The following STAG1 variants were observed in gnomAD, a reference collection of about 807,000 sequenced individuals.
STAG1 encodes cohesin subunit SA-1.
A neutral mutation model predicts 170.9 loss-of-function variants in STAG1; 26 were observed. The ratio of observed to expected loss-of-function variants is 0.15; its 90% CI spans 0.11 to 0.21. STAG1 has a LOEUF of 0.21. Ranked by LOEUF, STAG1 falls within the 10% of genes least tolerant of loss-of-function variation. STAG1 has a pLI of 1.00. For synonymous variants in STAG1, 514 were observed against 497.7 expected (o/e 1.03, Z -0.44); for missense variants, 964 against 1,509.5 (o/e 0.64, Z 5.99).
intron 1 of STAG1, among the ~76,000 whole-genome samples, chr3:136,642,268 T>C (rs1032597612): frequency 1.8e-5 from 1 of 56,788 alleles, no homozygotes; most frequent in Non-Finnish European, 3.6e-5. Flanking sequence ...GAATTTCTTT[T>C]TTTTTTTTTT....
At chr3:136,738,516 T>C (rs896020369) in intron 1 of STAG1, among the ~76,000 whole-genome samples, 3 of 152,014 alleles carry the variant, frequency 2.0e-5, no homozygotes, top group Non-Finnish European at 4.4e-5. Flanking sequence ...CTGGACACGG[T>C]GGCACGCGCC....
intron 1 of STAG1, among the ~76,000 whole-genome samples, chr3:136,649,207 G>C (rs1941131325): frequency 6.6e-6 from 1 of 152,114 alleles, no homozygotes; most frequent in Admixed American, 6.5e-5. Context: ...AAAGGCCAGG[G>C]GCGGTGGCTT....
rs140740048 is a variant in STAG1 at position 136,624,095 on chromosome 3, T to C, written c.30-847A>G. ...TTTAAAGATAATTTTTGCCCAACTCTTATATTGGAATCTTTTTTTTTTTGA... is the reference window on the plus strand; with the variant it reads ...TTTAAAGATAATTTTTGCCCAACTCCTATATTGGAATCTTTTTTTTTTTGA... On this transcript the variant is annotated intron_variant, in intron 2 of 33. Coordinates refer to ENST00000383202, the MANE Select transcript of STAG1 (RefSeq NM_005862.3). 2.7e-3 allele frequency among the ~76,000 whole-genome samples: 412 copies of C among 152,094 alleles called. 2 individuals carry two copies. The highest frequency in any genetic ancestry group is 5.8e-3 in the South Asian group (28 of 4,794).
intron 21 of STAG1, among the ~76,000 whole-genome samples, chr3:136,407,141 C>T (rs2107705924): frequency 6.6e-6 from 1 of 152,316 alleles, no homozygotes; most frequent in African/African-American, 2.4e-5. Context: ...ATTCTCCTGC[C>T]TCAGCCTCCT....
intron 22 of STAG1, among the ~76,000 whole-genome samples, chr3:136,389,393 A>T (rs1055325041): frequency 6.6e-6 from 1 of 151,970 alleles, no homozygotes; most frequent in Non-Finnish European, 1.5e-5. Flanking sequence ...TCCCAGTTCA[A>T]GCAATTCTTC....
chr3:136,635,840 T>C (rs1318051849), intron 1 of STAG1, among the ~76,000 whole-genome samples: 1 of 152,240 alleles, frequency 6.6e-6, no homozygotes, highest in Non-Finnish European at 1.5e-5. Flanking sequence ...ACAAATATAA[T>C]TTTAAATGAA....
chr3:136,633,083 A>G (rs1352469506), intron 1 of STAG1, among the ~76,000 whole-genome samples: 1 of 152,192 alleles, frequency 6.6e-6, no homozygotes, highest in Non-Finnish European at 1.5e-5. Flanking sequence ...CAAACAGGGC[A>G]TGGGGGAGGT....
At chr3:136,539,993 T>C (rs1935810145) in intron 6 of STAG1, among the ~76,000 whole-genome samples, 1 of 152,154 alleles carries the variant, frequency 6.6e-6, no homozygotes, top group South Asian at 2.1e-4. Context: ...GACATTGTTC[T>C]AGATTCTTGG....
At chr3:136,549,706 A>G (rs948344989) in intron 5 of STAG1, among the ~76,000 whole-genome samples, 1 of 151,702 alleles carries the variant, frequency 6.6e-6, no homozygotes, top group Non-Finnish European at 1.5e-5. Context: ...ACTTCTGGTA[A>G]TACACAGAAT....
chr3:136,361,586 T>A (rs1290180715), intron 26 of STAG1, among the ~76,000 whole-genome samples: 5 of 152,258 alleles, frequency 3.3e-5, no homozygotes, highest in Middle Eastern at 3.4e-3. Flanking sequence ...GCAGTAAGTA[T>A]CCATTTTAAT....
chr3:136,373,174 T>C (rs1937439011), intron 23 of STAG1, among the ~76,000 whole-genome samples: 1 of 152,216 alleles, frequency 6.6e-6, no homozygotes, highest in Non-Finnish European at 1.5e-5. Context: ...AGTTTGTATT[T>C]CTGTAGGATC....
At position 136,432,519 on chromosome 3, in the gene STAG1, G is replaced by T. The variant is rs200876160; in HGVS notation, c.1650+1037C>A. Among the ~76,000 whole-genome samples, 348 of 80,254 alleles carry T rather than the reference G, an allele frequency of 4.3e-3. 6 individuals are homozygous for T. Among genetic ancestry groups the T allele is most frequent in the African/African-American group, 0.026 (317 of 12,374 alleles). 52.6% of individuals were successfully genotyped at this position (80,254 alleles called of 152,430 possible). The stretch of plus-strand genomic sequence containing the variant: ...ATTTTTGTTTTCTTTTTTTTTGGGG[G>T]GGGGGGGGCACAGAGTCTTGCTCTG... On this transcript the variant is annotated intron_variant, in intron 16 of 33. Coordinates refer to ENST00000383202, the MANE Select transcript of STAG1 (RefSeq NM_005862.3).
chr3:136,500,310 A>T lies in STAG1; in HGVS notation c.829-14T>A. 6.5e-7 allele frequency: 1 copy of T among 1,530,658 alleles called. No homozygotes were observed. The highest frequency in any genetic ancestry group is 9.0e-7 in the Non-Finnish European group (1 of 1,114,406). The allele number at this position is 1,530,658 out of a possible 1,614,324, so 94.8% of individuals were successfully genotyped here. ...ATTTTCTTGCAGCTGAAATGAAAAA[A>T]TATATATAAGTTGAAATCCTGATCA... On this transcript the variant is annotated splice_polypyrimidine_tract_variant and intron_variant, in intron 8 of 33. Coordinates refer to ENST00000383202, the MANE Select transcript of STAG1 (RefSeq NM_005862.3).
intron 7 of STAG1, among the ~76,000 whole-genome samples, chr3:136,503,949 C>T (rs184818862): frequency 6.6e-4 from 100 of 152,164 alleles, no homozygotes; most frequent in African/African-American, 2.2e-3. Flanking sequence ...GTTGGCCAGG[C>T]GGGTTTTGAA....
At chr3:136,535,358 A>G (rs1576580128) in intron 6 of STAG1, among the ~76,000 whole-genome samples, 1 of 152,186 alleles carries the variant, frequency 6.6e-6, no homozygotes, top group South Asian at 2.1e-4. Flanking sequence ...AATATATTAT[A>G]TATTTCAAAA....
rs564049110 is a variant in STAG1, at chr3:136,716,915, G to T, written c.-84+35280C>A. On this transcript the variant is annotated intron_variant, in intron 1 of 33. Coordinates refer to ENST00000383202, the MANE Select transcript of STAG1 (RefSeq NM_005862.3). Reference sequence around the variant, plus strand: ...CTAGTTTCCTCATATATGAAGTGAGGATAACAATACATATCTTCTGTAAAT... The same window carrying T: ...CTAGTTTCCTCATATATGAAGTGAGTATAACAATACATATCTTCTGTAAAT... 3.9e-5 allele frequency among the ~76,000 whole-genome samples: 6 copies of T among 152,292 alleles called. No individual in the cohort carries two copies. The South Asian group carries it at 1.2e-3, about 32-fold the overall frequency.
chr3:136,372,900 T>C (rs1444516297), intron 23 of STAG1, among the ~76,000 whole-genome samples: 1 of 152,226 alleles, frequency 6.6e-6, no homozygotes, highest in African/African-American at 2.4e-5. Context: ...TTTCTATTGA[T>C]TGGAATAGTT....
At chr3:136,640,555 G>A (rs1940753727) in intron 1 of STAG1, among the ~76,000 whole-genome samples, 1 of 151,550 alleles carries the variant, frequency 6.6e-6, no homozygotes. Flanking sequence ...TTTTAGTAGA[G>A]ACAGGGTTTT....
At chr3:136,521,062 T>A in intron 7 of STAG1, 151 bp downstream of exon 7, 2 of 693,556 alleles carry the variant, frequency 2.9e-6, no homozygotes, top group South Asian at 4.6e-5. Context: ...ATGCCAGTTA[T>A]GAAAACAGGC....
Sources: gnomAD v4.1 joint callset for allele counts (sites outside exome capture counted in the v4.1 genomes callset) on GRCh38, gnomAD v4.1.1 for gene constraint, MANE v1.5 for transcripts, NCBI Gene and HGNC (gene_info 2026-07-23, HGNC 2026-07-21) for gene names.